Variants in ZNF675 observed in about 807,000 individuals in gnomAD.
The protein encoded by ZNF675 is zinc finger protein 675, also known as TRAF6 inhibitory zinc finger.
Under a neutral mutation model 56.1 loss-of-function variants are expected in ZNF675, and 36 were observed. The observed-to-expected ratio is 0.64, with a 90% CI of 0.49 to 0.85. The LOEUF is 0.85. Among genes scored for constraint, ZNF675 ranks in the 40% least tolerant of loss-of-function variants. The probability of loss-of-function intolerance (pLI) is 0.00; values close to 1 mark genes in which losing one functional copy is unlikely to be tolerated. For synonymous variants in ZNF675, 200 were observed against 218.9 expected, an observed-to-expected ratio of 0.91 and a Z score of 0.76; for missense variants, 663 against 654.2, an observed-to-expected ratio of 1.01 and a Z score of -0.15.
At chr19:23,661,121 G>A (rs971501161) in intron 3 of ZNF675, among the ~76,000 whole-genome samples, 3 of 151,750 alleles carry the variant, frequency 2.0e-5, no homozygotes, top group East Asian at 1.9e-4. Context: ...AGTAGACACC[G>A]GGTTTCACCA....
intron 1 of ZNF675, among the ~76,000 whole-genome samples, chr19:23,674,617 CAA>C (rs11461935): frequency 1.4e-5 from 2 of 142,654 alleles, no homozygotes; most frequent in Non-Finnish European, 1.5e-5. Context: ...GACTCCGTCT[CAA>C]AAAAAAAAAA....
intron 1 of ZNF675, among the ~76,000 whole-genome samples, chr19:23,669,199 A>G (rs1366913868): frequency 6.6e-6 from 1 of 152,222 alleles, no homozygotes; most frequent in African/African-American, 2.4e-5. Flanking sequence ...CTGAAGGCCA[A>G]TGAGCAAACA....
chr19:23,663,552 C>T (rs2364618), intron 1 of ZNF675, among the ~76,000 whole-genome samples: 74,838 of 151,816 alleles, frequency 0.49, 20,207 homozygotes, highest in Non-Finnish European at 0.62. Context: ...ATTAGCCAGG[C>T]GTGGTGGCGC....
chr19:23,681,667 C>T (rs1037932645), intron 1 of ZNF675, among the ~76,000 whole-genome samples: 1 of 151,824 alleles, frequency 6.6e-6, no homozygotes, highest in Non-Finnish European at 1.5e-5. Context: ...GCACAATCCA[C>T]AACACTGTCT....
intron 1 of ZNF675, among the ~76,000 whole-genome samples, chr19:23,675,865 A>T (rs1167360397): frequency 6.6e-6 from 1 of 151,602 alleles, no homozygotes; most frequent in African/African-American, 2.4e-5. Context: ...GAACTGAAGA[A>T]TATTTAGATG....
Position 23,687,069 on chromosome 19 carries a change from T to A in ZNF675, c.-36A>T. 6.2e-7 allele frequency: 1 copy of A among 1,613,124 alleles called. No individual in the cohort carries two copies. The highest frequency in any genetic ancestry group is 8.5e-7 in the Non-Finnish European group (1 of 1,179,432). On this transcript the variant is annotated 5_prime_UTR_variant, in exon 1 of 4. Transcript: ENST00000359788. ...CCAGGGGGTCCTGGAGTCTTAGCTG[T>A]GGATCTCTCAATTTCTGCAGGTCAC...
At chr19:23,669,527 G>GA (rs1390607772) in intron 1 of ZNF675, among the ~76,000 whole-genome samples, 1 of 152,020 alleles carries the variant, frequency 6.6e-6, no homozygotes, top group African/African-American at 2.4e-5. Context: ...TATTATTGCT[G>GA]AAGTTGAGAG....
At chr19:23,679,095 A>G (rs1226943071) in intron 1 of ZNF675, among the ~76,000 whole-genome samples, 1 of 142,504 alleles carries the variant, frequency 7.0e-6, no homozygotes, top group Non-Finnish European at 1.5e-5. Flanking sequence ...TGAACTCGGG[A>G]GGCGGAGCTT....
At chr19:23,668,387 C>A (rs953674947) in intron 1 of ZNF675, among the ~76,000 whole-genome samples, 2 of 152,188 alleles carry the variant, frequency 1.3e-5, no homozygotes, top group African/African-American at 4.8e-5. Context: ...ACACAGGGTG[C>A]TGATTGGTGT....
intron 3 of ZNF675, among the ~76,000 whole-genome samples, chr19:23,658,994 G>T (rs9676869): frequency 0.97 from 124,216 of 128,040 alleles, 60,427 homozygotes; most frequent in Middle Eastern, 1. Flanking sequence ...TAGAGATCGA[G>T]ATCTATATAT....
chr19:23,662,342 A>C, intron 2 of ZNF675, 133 bp from the exon 3 acceptor site: 1 of 565,312 alleles, frequency 1.8e-6, no homozygotes, highest in East Asian at 3.3e-5. Flanking sequence ...TTATAACAGA[A>C]ATTTTTAAAT....
chr19:23,686,887 G>T, intron 1 of ZNF675, 144 bp downstream of exon 1: 1 of 995,620 alleles, frequency 1.0e-6, no homozygotes, highest in Non-Finnish European at 1.6e-6. Context: ...TGGCTGCAGG[G>T]GACTGAGCCG....
At chr19:23,657,399 T>G (rs1392571804) in intron 3 of ZNF675, among the ~76,000 whole-genome samples, 2 of 152,162 alleles carry the variant, frequency 1.3e-5, no homozygotes, top group Admixed American at 6.6e-5. Flanking sequence ...AAATATATAT[T>G]TATTATTAAA....
At chr19:23,662,843 G>C (rs1968097713) in intron 2 of ZNF675, among the ~76,000 whole-genome samples, 189 bp downstream of exon 2, 1 of 152,086 alleles carries the variant, frequency 6.6e-6, no homozygotes, top group Non-Finnish European at 1.5e-5. Context: ...AATTAGCTAG[G>C]CATGGTGGCT....
intron 1 of ZNF675, among the ~76,000 whole-genome samples, chr19:23,683,197 AAAAG>A (rs763192775): frequency 1.1e-4 from 16 of 151,482 alleles, no homozygotes; most frequent in Non-Finnish European, 1.9e-4. Context: ...CTCAAAAAAA[AAAAG>A]AAAGTTATCT....
intron 1 of ZNF675, among the ~76,000 whole-genome samples, chr19:23,670,234 T>C (rs1968211468): frequency 6.6e-6 from 1 of 152,134 alleles, no homozygotes; most frequent in Non-Finnish European, 1.5e-5. Context: ...CAAGAAAATG[T>C]ATAATATTTT....
rs2144914003 is a variant in ZNF675, at chr19:23,653,078, G to C, written c.*148C>G. The C allele has an allele frequency of 2.6e-6, 2 of 758,534 alleles. No individual in the cohort carries two copies. Among genetic ancestry groups the C allele is most frequent in the South Asian group, 2.3e-5 (1 of 42,694 alleles). The allele number at this position is 758,534 out of a possible 1,614,324, so 47.0% of individuals were successfully genotyped here. A position where few individuals can be genotyped will look rare whatever the true frequency, so the allele number is the denominator to read the frequency against. ...CAGTATTGCCAAATTCTTCACACTT[G>C]TAGTTTTCTCCAGTATGAATTATCT... On this transcript the variant is annotated 3_prime_UTR_variant, in exon 4 of 4. Transcript: ENST00000359788.
At chr19:23,676,687 A>G (rs891723856) in intron 1 of ZNF675, among the ~76,000 whole-genome samples, 1 of 151,932 alleles carries the variant, frequency 6.6e-6, no homozygotes, top group Non-Finnish European at 1.5e-5. Flanking sequence ...CAAACTAGGC[A>G]TTGAAGGTAC....
chr19:23,679,186 G>C (rs1162864393), intron 1 of ZNF675, among the ~76,000 whole-genome samples: 3 of 110,108 alleles, frequency 2.7e-5, no homozygotes, highest in African/African-American at 3.9e-5. Context: ...AAAAAAAAGA[G>C]AACAAAAATT....
Sources: allele counts gnomAD v4.1 joint callset (sites outside exome capture counted in the v4.1 genomes callset), GRCh38; gene constraint gnomAD v4.1.1; transcripts MANE v1.5; gene names NCBI Gene and HGNC (gene_info 2026-07-23, HGNC 2026-07-21).